The following TMEM132D variants were observed in gnomAD, a reference collection of about 807,000 sequenced individuals.
TMEM132D encodes mature OL transmembrane protein.
TMEM132D carries 21 observed loss-of-function variants against 62.3 expected under a neutral mutation model. The observed-to-expected ratio is 0.34, with a 90% confidence interval of 0.24 to 0.49. The LOEUF (loss-of-function observed/expected upper bound fraction) is 0.49, where lower values mean the gene tolerates loss of function less well. Ranked by LOEUF, TMEM132D falls within the 20% of genes least tolerant of loss-of-function variation. TMEM132D has a pLI of 0.99. For synonymous variants in TMEM132D, 621 were observed against 575.6 expected (o/e 1.08, Z -1.13); for missense variants, 1,346 against 1,402.8 (o/e 0.96, Z 0.65).
At chr12:129,200,147 C>A (rs1032710538) in intron 5 of TMEM132D, among the ~76,000 whole-genome samples, 1 of 152,030 alleles carries the variant, frequency 6.6e-6, no homozygotes, top group African/African-American at 2.4e-5. Flanking sequence ...GAGGGGGGAC[C>A]AAGAGGGCCA....
chr12:129,785,889 A>G (rs540283634), intron 1 of TMEM132D, among the ~76,000 whole-genome samples: 6 of 145,068 alleles, frequency 4.1e-5, no homozygotes, highest in African/African-American at 1.5e-4. Flanking sequence ...CACCATGAAC[A>G]TCAGATAAAA....
chr12:129,097,457 A>G (rs1875152634), intron 5 of TMEM132D, among the ~76,000 whole-genome samples: 1 of 152,256 alleles, frequency 6.6e-6, no homozygotes, highest in African/African-American at 2.4e-5. Flanking sequence ...GAACATTTAC[A>G]TCGCCTATAT....
intron 6 of TMEM132D, among the ~76,000 whole-genome samples, chr12:129,083,610 G>A (rs1226023769): frequency 6.6e-6 from 1 of 152,186 alleles, no homozygotes; most frequent in East Asian, 1.9e-4. Context: ...CAGGGGCCAT[G>A]GGACCAAAGG....
chr12:129,804,232 A>C (rs1871897638), intron 1 of TMEM132D, among the ~76,000 whole-genome samples: 1 of 26,140 alleles, frequency 3.8e-5, no homozygotes, highest in Non-Finnish European at 1.8e-4. Context: ...GCAGAGACAC[A>C]ACAAAAAAAG....
chr12:129,834,773 C>G (rs1455917189), intron 1 of TMEM132D, among the ~76,000 whole-genome samples: 2 of 152,154 alleles, frequency 1.3e-5, no homozygotes, highest in African/African-American at 4.8e-5. Flanking sequence ...CTGAATCTCA[C>G]CATTTTGAAG....
At chr12:129,677,547 A>G (rs1880660524) in intron 2 of TMEM132D, among the ~76,000 whole-genome samples, 1 of 152,222 alleles carries the variant, frequency 6.6e-6, no homozygotes, top group South Asian at 2.1e-4. Context: ...GTGACAACTG[A>G]CTTGGTTTTT....
chr12:129,759,915 T>G (rs1250202941), intron 1 of TMEM132D, among the ~76,000 whole-genome samples: 1 of 140,234 alleles, frequency 7.1e-6, no homozygotes, highest in East Asian at 2.2e-4. Flanking sequence ...TTATTTGCCT[T>G]TTTTTTTTGA....
At chr12:129,679,854 C>T (rs571199536) in intron 2 of TMEM132D, among the ~76,000 whole-genome samples, 1 of 152,010 alleles carries the variant, frequency 6.6e-6, no homozygotes, top group South Asian at 2.1e-4. Flanking sequence ...CTCTTATATG[C>T]TTTGCAGTTC....
At chr12:129,497,858 A>C (rs773861817) in intron 3 of TMEM132D, among the ~76,000 whole-genome samples, 3 of 152,038 alleles carry the variant, frequency 2.0e-5, no homozygotes, top group Non-Finnish European at 2.9e-5. Flanking sequence ...ATGGGGTTTC[A>C]CCATGTTGCC....
At chr12:129,824,256 T>C (rs963685733) in intron 1 of TMEM132D, among the ~76,000 whole-genome samples, 9 of 152,190 alleles carry the variant, frequency 5.9e-5, no homozygotes, top group African/African-American at 1.9e-4. Flanking sequence ...CCATCAAATC[T>C]CTTTCTACTA....
At chr12:129,773,806 C>T (rs562546718) in intron 1 of TMEM132D, among the ~76,000 whole-genome samples, 2 of 152,304 alleles carry the variant, frequency 1.3e-5, no homozygotes, top group South Asian at 2.1e-4. Context: ...ATACAGAACA[C>T]GGGGCCTCAC....
At chr12:129,262,457 T>C (rs985938218) in intron 4 of TMEM132D, 1 of 152,028 alleles carries the variant, frequency 6.6e-6, no homozygotes, top group African/African-American at 2.4e-5. Context: ...GAGGGGAGCA[T>C]GGATGAGGAC....
intron 3 of TMEM132D, among the ~76,000 whole-genome samples, chr12:129,338,934 G>A (rs2135659426): frequency 6.6e-6 from 1 of 152,154 alleles, no homozygotes. Flanking sequence ...GATCAGGGGA[G>A]ATTCTAATGA....
chr12:129,531,420 T>C (rs921216448), intron 2 of TMEM132D, among the ~76,000 whole-genome samples: 1 of 152,188 alleles, frequency 6.6e-6, no homozygotes, highest in Admixed American at 6.5e-5. Flanking sequence ...CTAGAGATGG[T>C]AGACTGACAG....
At chr12:129,246,440 C>T (rs1475577735) in intron 4 of TMEM132D, among the ~76,000 whole-genome samples, 2 of 152,092 alleles carry the variant, frequency 1.3e-5, no homozygotes, top group African/African-American at 2.4e-5. Flanking sequence ...GGGTTAATAA[C>T]TCAACAGGTC....
At chr12:129,243,273 A>G (rs1177350176) in intron 4 of TMEM132D, among the ~76,000 whole-genome samples, 1 of 152,144 alleles carries the variant, frequency 6.6e-6, no homozygotes, top group Non-Finnish European at 1.5e-5. Flanking sequence ...TTCATTATTC[A>G]TTGTAGTATT....
At chr12:129,618,595 C>G (rs1038337628) in intron 2 of TMEM132D, among the ~76,000 whole-genome samples, 5 of 152,192 alleles carry the variant, frequency 3.3e-5, no homozygotes, top group Admixed American at 1.3e-4. Context: ...GAAGAGGAAT[C>G]AAATAGTGAG....
rs1881561669 is a variant in TMEM132D, at chr12:129,708,627, A to AAC, written c.80-7930_80-7929insGT. Among the ~76,000 whole-genome samples the AAC allele has an allele frequency of 4.6e-5, 4 of 86,724 alleles. No homozygotes were observed. The East Asian group carries it at 2.8e-3, about 61-fold the overall frequency. 56.9% of individuals were successfully genotyped at this position (86,724 alleles called of 152,430 possible). On this transcript the variant is annotated intron_variant, in intron 1 of 8. Coordinates refer to ENST00000422113, the MANE Select transcript of TMEM132D (RefSeq NM_133448.3). ...GGCTCAGGTAAAAAAAAAAAAAAAA[A>AAC]AAAACACACACACACACACACACAC... is the stretch of plus-strand genomic sequence containing the variant.
chr12:129,179,318 CT>C (rs113121442), intron 5 of TMEM132D, among the ~76,000 whole-genome samples: 11 of 149,212 alleles, frequency 7.4e-5, no homozygotes, highest in Middle Eastern at 3.4e-3. Flanking sequence ...CAGAGGTAGC[CT>C]TTTTTTTTGT....
Sources: allele counts gnomAD v4.1 joint callset (sites outside exome capture counted in the v4.1 genomes callset), GRCh38; gene constraint gnomAD v4.1.1; transcripts MANE v1.5; gene names NCBI Gene and HGNC (gene_info 2026-07-23, HGNC 2026-07-21).